Variants in CREB5 observed in about 807,000 individuals in gnomAD.
CREB5 encodes the protein cAMP responsive element binding protein 5, also known as cyclic AMP-responsive element-binding protein 5.
In CREB5, 19 loss-of-function variants were observed where a neutral mutation model predicts 57.1. The ratio of observed to expected loss-of-function variants is 0.33; its 90% CI spans 0.23 to 0.49. The LOEUF is 0.49. Among genes scored for constraint, CREB5 ranks in the 20% least tolerant of loss-of-function variants. CREB5 has a pLI of 0.99. For synonymous variants in CREB5, 238 were observed against 238.3 expected (o/e 1.00, Z 0.01); for missense variants, 579 against 671.6 (o/e 0.86, Z 1.52).
chr7:28,624,486 G>T (rs1161667247), intron 5 of CREB5, among the ~76,000 whole-genome samples: 1 of 152,130 alleles, frequency 6.6e-6, no homozygotes, highest in African/African-American at 2.4e-5. Flanking sequence ...TAAAAAAGTT[G>T]AATTTCATAC....
At chr7:28,479,039 A>T (rs947487369) in intron 1 of CREB5, among the ~76,000 whole-genome samples, 8 of 152,108 alleles carry the variant, frequency 5.3e-5, no homozygotes, top group South Asian at 2.1e-4. Context: ...AGCTCTTGGG[A>T]AAGTATAAAG....
rs1023341583 is a variant in CREB5 at position 28,367,269 on chromosome 7, C to T, written c.-25+67828C>T. ...AATGGTCTTCCTGCAAGCTCAGAGT[C>T]GTACATACAACCTCAAGCTCAGTTG... On this transcript the variant is annotated intron_variant, in intron 1 of 9. Transcript: ENST00000396299. Among the ~76,000 whole-genome samples, 18 of 152,272 alleles carry T rather than the reference C, an allele frequency of 1.2e-4. No individual in the cohort carries two copies. The East Asian group carries it at 2.1e-3, about 18-fold the overall frequency.
At chr7:28,613,641 C>T (rs1562527811) in intron 5 of CREB5, among the ~76,000 whole-genome samples, 1 of 152,164 alleles carries the variant, frequency 6.6e-6, no homozygotes, top group African/African-American at 2.4e-5. Context: ...CATTAACTGC[C>T]CTGTGTCTCG....
intron 9 of CREB5, among the ~76,000 whole-genome samples, chr7:28,813,209 ACTT>A (rs1809233545): frequency 6.6e-6 from 1 of 152,188 alleles, no homozygotes; most frequent in African/African-American, 2.4e-5. Flanking sequence ...GACCTAACCC[ACTT>A]CTTTGTGATC....
At chr7:28,350,237 T>C (rs1786161004) in intron 1 of CREB5, among the ~76,000 whole-genome samples, 1 of 152,172 alleles carries the variant, frequency 6.6e-6, no homozygotes, top group African/African-American at 2.4e-5. Flanking sequence ...TTTTTACTCC[T>C]CCAACACCCT....
At chr7:28,332,619 G>A (rs533815873) in intron 1 of CREB5, among the ~76,000 whole-genome samples, 2 of 152,238 alleles carry the variant, frequency 1.3e-5, no homozygotes, top group South Asian at 4.2e-4. Flanking sequence ...TGGGCCAGTG[G>A]CACAGTCCCT....
upstream of CREB5, chr7:28,409,774 C>T (rs1361497029): frequency 2.3e-6 from 1 of 427,674 alleles, no homozygotes; most frequent in African/African-American, 2.1e-5. The surrounding 1 kb of genome is among the most constrained non-coding windows in gnomAD (Gnocchi z 4.4). Context: ...GCGCCGCGCG[C>T]CTGGAGGGAT....
chr7:28,586,127 C>G (rs1796297089), intron 5 of CREB5, among the ~76,000 whole-genome samples: 1 of 152,154 alleles, frequency 6.6e-6, no homozygotes, highest in South Asian at 2.1e-4. Context: ...AAGCAATTCT[C>G]CCAGTCAGAC....
chr7:28,425,067 GT>G (rs1301317662), intron 1 of CREB5, among the ~76,000 whole-genome samples: 1 of 152,078 alleles, frequency 6.6e-6, no homozygotes, highest in African/African-American at 2.4e-5. Flanking sequence ...GGGGTTTGTT[GT>G]ACAGATTGTT....
At chr7:28,480,850 T>C (rs1177934818) in intron 1 of CREB5, among the ~76,000 whole-genome samples, 1 of 152,208 alleles carries the variant, frequency 6.6e-6, no homozygotes, top group Admixed American at 6.5e-5. Flanking sequence ...TATTACCAAG[T>C]ATGTTCTGAA....
intron 1 of CREB5, among the ~76,000 whole-genome samples, chr7:28,367,070 C>T (rs901522941): frequency 1.3e-4 from 20 of 152,162 alleles, no homozygotes; most frequent in African/African-American, 4.6e-4. Flanking sequence ...ACTCTTAAGA[C>T]CCCTGGTTTT....
At chr7:28,488,269 C>A (rs1381795668) in intron 2 of CREB5, 23 bp downstream of exon 2, 3 of 1,609,826 alleles carry the variant, frequency 1.9e-6, no homozygotes, top group Non-Finnish European at 2.5e-6. Flanking sequence ...ATCCTCCCTG[C>A]TCTGACATGC....
At chr7:28,771,927 G>T (rs553845094) in intron 7 of CREB5, among the ~76,000 whole-genome samples, 4 of 152,262 alleles carry the variant, frequency 2.6e-5, no homozygotes, top group Non-Finnish European at 4.4e-5. Flanking sequence ...CCTCTGTGTG[G>T]CTGATGTGTT....
intron 1 of CREB5, among the ~76,000 whole-genome samples, chr7:28,373,193 T>G (rs896516815): frequency 6.6e-6 from 1 of 152,190 alleles, no homozygotes; most frequent in South Asian, 2.1e-4. Flanking sequence ...CCCTCCTGAC[T>G]GGACATCAGA....
chr7:28,599,495 A>G (rs1377841166), intron 5 of CREB5, among the ~76,000 whole-genome samples: 2 of 152,172 alleles, frequency 1.3e-5, no homozygotes. Flanking sequence ...GTGGGACTGT[A>G]TGGGGGTGGA....
chr7:28,707,813 G>A (rs937348680), intron 5 of CREB5, among the ~76,000 whole-genome samples: 2 of 152,236 alleles, frequency 1.3e-5, no homozygotes, highest in African/African-American at 2.4e-5. Context: ...GTGTTTGAAA[G>A]TAACTGGTGA....
intron 7 of CREB5, among the ~76,000 whole-genome samples, chr7:28,787,209 G>A (rs1807380951): frequency 6.6e-6 from 1 of 152,210 alleles, no homozygotes; most frequent in South Asian, 2.1e-4. Context: ...GGCTGACACT[G>A]TCTCTGTGGC....
intron 3 of CREB5, among the ~76,000 whole-genome samples, chr7:28,496,928 C>G (rs935163617): frequency 6.6e-6 from 1 of 152,074 alleles, no homozygotes; most frequent in Non-Finnish European, 1.5e-5. Flanking sequence ...ATGGCCTATT[C>G]TTTTGTTTTG....
chr7:28,563,515 A>G (rs373370259), intron 4 of CREB5, among the ~76,000 whole-genome samples: 9 of 152,160 alleles, frequency 5.9e-5, no homozygotes, highest in African/African-American at 1.9e-4. Context: ...GCAAACTGAA[A>G]AAGCAAAATG....
Sources: gnomAD v4.1 joint callset for allele counts (sites outside exome capture counted in the v4.1 genomes callset) on GRCh38, gnomAD v4.1.1 for gene constraint, Gnocchi (gnomAD v3.1) non-coding constraint, MANE v1.5 for transcripts, NCBI Gene and HGNC (gene_info 2026-07-23, HGNC 2026-07-21) for gene names.